IL1RAPL2: variants seen among roughly 807,000 people sequenced by gnomAD.
IL1RAPL2 encodes the protein interleukin 1 receptor accessory protein like 2.
IL1RAPL2 carries 3 observed loss-of-function variants against 44.1 expected under a neutral mutation model. The ratio of observed to expected loss-of-function variants is 0.07; its 90% CI spans 0.03 to 0.18. The LOEUF is 0.18. Ranked by LOEUF, IL1RAPL2 falls within the 10% of genes least tolerant of loss-of-function variation. The pLI is 1.00. For synonymous variants in IL1RAPL2, 181 were observed against 178.8 expected, an observed-to-expected ratio of 1.01 and a Z score of -0.10; for missense variants, 391 against 496.4, an observed-to-expected ratio of 0.79 and a Z score of 2.02.
intron 4 of IL1RAPL2, among the ~76,000 whole-genome samples, chrX:105,245,146 G>C (rs1489924994): frequency 8.9e-6 from 1 of 112,062 alleles, no homozygotes; most frequent in Admixed American, 9.5e-5. Context: ...CTTTAATGGT[G>C]AAAACTATTG....
chrX:105,438,667 A>G lies in IL1RAPL2; in HGVS notation c.698-45646A>G, dbSNP rs756305704. 2.7e-5 allele frequency among the ~76,000 whole-genome samples: 3 copies of G among 110,349 alleles called. No homozygotes were observed. The East Asian group carries it at 8.6e-4, about 32-fold the overall frequency. On this transcript the variant is annotated intron_variant, in intron 5 of 10. Transcript: ENST00000372582. ...GCCCAACAGATTTGGCTTTACTTAA[A>G]ATTGAGTTCTTCAAGACTTCAGAGT... is the stretch of plus-strand genomic sequence containing the variant.
intron 2 of IL1RAPL2, among the ~76,000 whole-genome samples, chrX:104,937,469 C>G (rs1196293903): frequency 8.9e-6 from 1 of 112,026 alleles, no homozygotes; most frequent in African/African-American, 3.2e-5. Flanking sequence ...TACCCAGTTA[C>G]TACAAACTCC....
At chrX:105,282,694 T>A (rs1432863775) in intron 5 of IL1RAPL2, among the ~76,000 whole-genome samples, 1 of 111,834 alleles carries the variant, frequency 8.9e-6, no homozygotes, top group East Asian at 2.8e-4. Flanking sequence ...GAGCTCATCT[T>A]ACAGTGTCTG....
At chrX:104,772,233 AT>A (rs1932651588) in intron 2 of IL1RAPL2, among the ~76,000 whole-genome samples, 1 of 112,542 alleles carries the variant, frequency 8.9e-6, no homozygotes. Context: ...TAAGGATAAT[AT>A]TAATTGTTGC....
intron 6 of IL1RAPL2, among the ~76,000 whole-genome samples, chrX:105,679,013 C>T (rs1455208398): frequency 1.8e-5 from 2 of 108,152 alleles, no homozygotes; most frequent in African/African-American, 6.7e-5. Context: ...GAATGGCTTG[C>T]AGAAAAGTTT....
chrX:105,660,100 G>A (rs1418390724), intron 6 of IL1RAPL2, among the ~76,000 whole-genome samples: 1 of 111,274 alleles, frequency 9.0e-6, no homozygotes, highest in Non-Finnish European at 1.9e-5. Context: ...ACTCCCAAAG[G>A]TCAAGGATGA....
intron 2 of IL1RAPL2, among the ~76,000 whole-genome samples, chrX:104,943,019 C>G (rs951069375): frequency 9.0e-6 from 1 of 111,380 alleles, no homozygotes; most frequent in African/African-American, 3.3e-5. Context: ...TATATTGAAC[C>G]AGCCTTGCAT....
intron 5 of IL1RAPL2, among the ~76,000 whole-genome samples, chrX:105,289,514 A>G (rs2147668016): frequency 8.9e-6 from 1 of 111,864 alleles, no homozygotes; most frequent in African/African-American, 3.2e-5. Context: ...AAAGGAATTA[A>G]AAGTTGTAGA....
chrX:105,361,541 AG>A (rs2147711661), intron 5 of IL1RAPL2, among the ~76,000 whole-genome samples: 1 of 111,815 alleles, frequency 8.9e-6, no homozygotes, highest in African/African-American at 3.2e-5. Flanking sequence ...GATAAGGTCA[AG>A]TTTGGGTAAA....
intron 1 of IL1RAPL2, among the ~76,000 whole-genome samples, chrX:104,582,822 C>CTTTCTTTCTTTCTTTCTTTCTT (rs748809592): frequency 4.9e-5 from 2 of 40,663 alleles, no homozygotes; most frequent in Non-Finnish European, 8.3e-5. Context: ...TCCTTTCTTT[C>CTTTCTTTCTTTCTTTCTTTCTT]TCTTTCTTTC....
At chrX:104,798,035 A>T (rs1217479208) in intron 2 of IL1RAPL2, among the ~76,000 whole-genome samples, 1 of 111,749 alleles carries the variant, frequency 8.9e-6, no homozygotes, top group Non-Finnish European at 1.9e-5. Flanking sequence ...TATGTAAATC[A>T]CCCAAGGCCG....
At chrX:105,480,275 A>G (rs994382607) in intron 5 of IL1RAPL2, among the ~76,000 whole-genome samples, 3 of 112,329 alleles carry the variant, frequency 2.7e-5, no homozygotes, top group African/African-American at 9.7e-5. Context: ...CTGGTTGTAC[A>G]TATAGATAAA....
At chrX:105,742,214 G>A (rs2038506027) in intron 8 of IL1RAPL2, among the ~76,000 whole-genome samples, 1 of 111,437 alleles carries the variant, frequency 9.0e-6, no homozygotes, top group African/African-American at 3.3e-5. Flanking sequence ...CTTAGCTATA[G>A]CCAGCACTAT....
At chrX:104,772,913 T>C (rs1028122452) in intron 2 of IL1RAPL2, among the ~76,000 whole-genome samples, 6 of 111,282 alleles carry the variant, frequency 5.4e-5, no homozygotes, top group Non-Finnish European at 9.4e-5. Flanking sequence ...CAATTTTTTC[T>C]TTTTCTTTTT....
intron 3 of IL1RAPL2, among the ~76,000 whole-genome samples, chrX:105,230,775 G>A: frequency 9.0e-6 from 1 of 111,309 alleles, no homozygotes; most frequent in African/African-American, 3.3e-5. Flanking sequence ...TTATCCTCAT[G>A]TTTCAGGTGA....
chrX:105,039,812 C>A (rs145386323), intron 2 of IL1RAPL2, among the ~76,000 whole-genome samples: 60 of 111,646 alleles, frequency 5.4e-4, no homozygotes, highest in African/African-American at 2.0e-3. Context: ...GATATACAAT[C>A]ATGTCATCTG....
intron 2 of IL1RAPL2, among the ~76,000 whole-genome samples, chrX:104,995,558 G>A (rs2030733567): frequency 8.9e-6 from 1 of 111,999 alleles, no homozygotes; most frequent in Non-Finnish European, 1.9e-5. Context: ...TCAAGAAAAT[G>A]CAAGTAAAGG....
chrX:105,101,725 C>T (rs923590301), intron 2 of IL1RAPL2, among the ~76,000 whole-genome samples: 2 of 111,623 alleles, frequency 1.8e-5, no homozygotes, highest in African/African-American at 6.5e-5. Flanking sequence ...TCCCCTTTGG[C>T]AGGTATATGT....
intron 5 of IL1RAPL2, among the ~76,000 whole-genome samples, chrX:105,463,218 A>T (rs771118412): frequency 9.0e-6 from 1 of 111,015 alleles, no homozygotes; most frequent in East Asian, 2.8e-4. Flanking sequence ...TTTTCCCTTT[A>T]TTAATAAGTA....
Sources: gnomAD v4.1 joint callset for allele counts (sites outside exome capture counted in the v4.1 genomes callset) on GRCh38, gnomAD v4.1.1 for gene constraint, MANE v1.5 for transcripts, NCBI Gene and HGNC (gene_info 2026-07-23, HGNC 2026-07-21) for gene names.